SLCO5A1: variants seen among roughly 807,000 people sequenced by gnomAD.
SLCO5A1 encodes solute carrier organic anion transporter family member 5A1.
A neutral mutation model predicts 65.1 loss-of-function variants in SLCO5A1; 39 were observed. That is an observed-to-expected ratio of 0.60 (90% CI 0.46 to 0.78). The LOEUF (loss-of-function observed/expected upper bound fraction) is 0.78. SLCO5A1 is among the 30% of genes least tolerant of loss of function. The probability of loss-of-function intolerance (pLI) is 0.00; values close to 1 mark genes in which losing one functional copy is unlikely to be tolerated. For synonymous variants in SLCO5A1, 438 were observed against 415.7 expected (o/e 1.05, Z -0.65); for missense variants, 1,029 against 1,069.4 (o/e 0.96, Z 0.53).
chr8:69,801,302 C>G (rs1309767018), intron 2 of SLCO5A1, among the ~76,000 whole-genome samples: 4 of 152,182 alleles, frequency 2.6e-5, no homozygotes, highest in Admixed American at 6.5e-5. Flanking sequence ...ATTTGGATCC[C>G]TCCTATAGAT....
intron 2 of SLCO5A1, among the ~76,000 whole-genome samples, chr8:69,814,792 A>C (rs969568603): frequency 6.6e-6 from 1 of 152,128 alleles, no homozygotes; most frequent in Admixed American, 6.5e-5. Flanking sequence ...TCAATAAATG[A>C]ATGGATATAG....
chr8:69,813,510 T>C, intron 2 of SLCO5A1, among the ~76,000 whole-genome samples: 1 of 152,250 alleles, frequency 6.6e-6, no homozygotes, highest in African/African-American at 2.4e-5. Flanking sequence ...GCAGTCATAA[T>C]TCCCTAGAGG....
chr8:69,701,665 C>T (rs150004859), intron 6 of SLCO5A1, among the ~76,000 whole-genome samples: 4,435 of 152,218 alleles, frequency 0.029, 196 homozygotes, highest in African/African-American at 0.099. Flanking sequence ...CGAGTTGTCC[C>T]GCCTTTCTGG....
At chr8:69,728,222 A>T (rs1221068560) in intron 5 of SLCO5A1, among the ~76,000 whole-genome samples, 3 of 152,202 alleles carry the variant, frequency 2.0e-5, no homozygotes, top group Non-Finnish European at 4.4e-5. Flanking sequence ...TATATATTGC[A>T]TACGTAATAC....
chr8:69,673,296 G>C lies in SLCO5A1; in HGVS notation c.2120C>G (p.Ala707Gly), dbSNP rs768749822. 1.9e-6 allele frequency: 3 copies of C among 1,614,072 alleles called. No individual in the cohort carries two copies. In the South Asian group the frequency reaches 3.3e-5, roughly 18 times the overall value. ...GAGCATGCAGGTGGTGTCAATGACT[G>C]CTCCAAAGTAGATTGGAGTAGGAAT... Reference protein sequence around the residue: ...AYIPTPIYFGAVIDTTCMLWQ... With the variant: ...AYIPTPIYFGGVIDTTCMLWQ... The change falls in exon 10 of 10, where the codon GCA becomes GGA. Residue 707 changes from alanine (A) to glycine (G), a missense_variant. Ala to Gly is a moderately conservative substitution (Grantham distance 60, BLOSUM62 0). Around this residue, in one of 3 missense-constraint regions of SLCO5A1, gnomAD observed 258 missense variants for 237.4 expected, o/e 1.09. Coordinates refer to ENST00000260126, the MANE Select transcript of SLCO5A1 (RefSeq NM_030958.3).
intron 9 of SLCO5A1, among the ~76,000 whole-genome samples, chr8:69,673,760 C>T (rs1014803827): frequency 3.9e-5 from 6 of 152,116 alleles, no homozygotes; most frequent in African/African-American, 9.7e-5. Flanking sequence ...AAATTCGATA[C>T]GCTTAGTTCT....
chr8:69,706,300 A>T (rs943984579), intron 5 of SLCO5A1, among the ~76,000 whole-genome samples: 1 of 152,218 alleles, frequency 6.6e-6, no homozygotes, highest in African/African-American at 2.4e-5. Flanking sequence ...GGAGTAATTA[A>T]CATAAAAGCC....
intron 6 of SLCO5A1, 33 bp from the exon 7 acceptor site, chr8:69,682,376 A>G (rs754720046): frequency 1.1e-4 from 166 of 1,488,444 alleles, no homozygotes; most frequent in Non-Finnish European, 1.3e-4. Context: ...CATGAGCAAC[A>G]CTTACCAAAA....
intron 2 of SLCO5A1, among the ~76,000 whole-genome samples, chr8:69,781,167 C>A (rs142878853): frequency 1.7e-3 from 253 of 152,362 alleles, no homozygotes; most frequent in African/African-American, 5.7e-3. Flanking sequence ...TCCAGGTCAA[C>A]AGGCATCTGT....
chr8:69,705,553 A>G (rs11987634), intron 5 of SLCO5A1, among the ~76,000 whole-genome samples: 2 of 152,218 alleles, frequency 1.3e-5, no homozygotes, highest in Admixed American at 1.3e-4. Context: ...AAGGGGGTCA[A>G]CCTCATTACA....
At chr8:69,748,123 G>A (rs1817119702) in intron 4 of SLCO5A1, among the ~76,000 whole-genome samples, 1 of 152,126 alleles carries the variant, frequency 6.6e-6, no homozygotes, top group South Asian at 2.1e-4. Context: ...CTGCTTGCCT[G>A]GAAAAGACAG....
chr8:69,789,152 G>A (rs1365225045), intron 2 of SLCO5A1, among the ~76,000 whole-genome samples: 3 of 152,152 alleles, frequency 2.0e-5, no homozygotes, highest in Non-Finnish European at 4.4e-5. Flanking sequence ...ACAACACTGT[G>A]CCTCTTGGCT....
intron 4 of SLCO5A1, among the ~76,000 whole-genome samples, chr8:69,751,160 T>C (rs1399773686): frequency 6.6e-6 from 1 of 152,224 alleles, no homozygotes; most frequent in Non-Finnish European, 1.5e-5. Context: ...AAAATCATTC[T>C]TATGATTAAC....
chr8:69,751,993 G>T (rs1401328643), intron 4 of SLCO5A1, among the ~76,000 whole-genome samples: 1 of 152,202 alleles, frequency 6.6e-6, no homozygotes, highest in East Asian at 1.9e-4. Flanking sequence ...CACGTTGGGA[G>T]GCTGAGGCAG....
At chr8:69,828,922 C>A (rs1586844926) in intron 2 of SLCO5A1, among the ~76,000 whole-genome samples, 1 of 152,206 alleles carries the variant, frequency 6.6e-6, no homozygotes, top group Non-Finnish European at 1.5e-5. Context: ...GTAATTTTGA[C>A]AAAGCAAGTC....
intron 2 of SLCO5A1, among the ~76,000 whole-genome samples, chr8:69,816,497 CT>C (rs1467211339): frequency 6.6e-6 from 1 of 152,150 alleles, no homozygotes; most frequent in African/African-American, 2.4e-5. Flanking sequence ...CAAAAGGAAA[CT>C]GAAAACACAG....
chr8:69,735,717 G>T (rs1014344981), intron 5 of SLCO5A1, among the ~76,000 whole-genome samples: 1 of 123,792 alleles, frequency 8.1e-6, no homozygotes, highest in African/African-American at 4.0e-5. Context: ...TAATGCATGT[G>T]GGGCTTAATA....
intron 5 of SLCO5A1, among the ~76,000 whole-genome samples, chr8:69,715,110 A>G (rs1815450722): frequency 6.6e-6 from 1 of 152,214 alleles, no homozygotes; most frequent in Admixed American, 6.5e-5. Flanking sequence ...TTCTGCATCC[A>G]CGCGATAAAC....
chr8:69,738,338 A>C, intron 4 of SLCO5A1, 134 bp from the exon 5 acceptor site: 2 of 795,836 alleles, frequency 2.5e-6, no homozygotes, highest in Non-Finnish European at 3.7e-6. Flanking sequence ...AAATAGAAAG[A>C]TCTGATGACG....
Sources: gnomAD v4.1 joint callset for allele counts (sites outside exome capture counted in the v4.1 genomes callset) on GRCh38, gnomAD v4.1.1 for gene constraint, gnomAD v4.1.1 regional missense constraint, MANE v1.5 for transcripts, NCBI Gene and HGNC (gene_info 2026-07-23, HGNC 2026-07-21) for gene names.